ADAMTS14: variants seen among roughly 807,000 people sequenced by gnomAD.
ADAMTS14 encodes A disintegrin and metalloproteinase with thrombospondin motifs 14.
In ADAMTS14, 100 loss-of-function variants were observed where a neutral mutation model predicts 128.6. The observed-to-expected ratio is 0.78, with a 90% CI of 0.66 to 0.92. The LOEUF (loss-of-function observed/expected upper bound fraction) is 0.92, where lower values mean the gene tolerates loss of function less well. Ranked by LOEUF, ADAMTS14 falls within the 40% of genes least tolerant of loss-of-function variation. The pLI, the probability that ADAMTS14 is intolerant of heterozygous loss-of-function variation, is 0.00. For missense variants in ADAMTS14, 1,562 were observed against 1,658.6 expected (o/e 0.94, Z 1.01); for synonymous variants, 665 against 653.8 (o/e 1.02, Z -0.26).
At chr10:70,700,600 T>C (rs904561552) in intron 2 of ADAMTS14, among the ~76,000 whole-genome samples, 4 of 152,082 alleles carry the variant, frequency 2.6e-5, no homozygotes, top group Non-Finnish European at 4.4e-5. Flanking sequence ...TCACTTCCAG[T>C]CTTAGCCCCT....
In ADAMTS14 at chr10:70,717,600, G is replaced by C. The variant is rs529952667; in HGVS notation, c.870+8822G>C. Among the ~76,000 whole-genome samples the C allele has an allele frequency of 2.6e-5, 4 of 152,296 alleles. No homozygotes were observed. The East Asian group carries it at 7.7e-4, about 29-fold the overall frequency. ...TTCCCAGGGTCCTCTCCTGGCCCAG[G>C]GGTGATGGACCAGTTCTCTGGGGCG... is the stretch of plus-strand genomic sequence containing the variant. On this transcript the variant is annotated intron_variant, in intron 4 of 21. Coordinates refer to ENST00000373207, the MANE Select transcript of ADAMTS14 (RefSeq NM_080722.4).
At chr10:70,750,957 A>C (rs143180803) in intron 16 of ADAMTS14, among the ~76,000 whole-genome samples, 2 of 152,344 alleles carry the variant, frequency 1.3e-5, no homozygotes, top group Non-Finnish European at 2.9e-5. Flanking sequence ...ACAGGCACTA[A>C]AAGCATACAC....
chr10:70,695,884 T>C (rs76525388), intron 2 of ADAMTS14, among the ~76,000 whole-genome samples: 8,739 of 152,270 alleles, frequency 0.057, 370 homozygotes, highest in Non-Finnish European at 0.086. Context: ...GAGCTGATGA[T>C]GGGAGGAGCT....
rs796334922 is a variant in ADAMTS14, at chr10:70,716,710, G to A, written c.870+7932G>A. Among the ~76,000 whole-genome samples, 39 of 152,336 alleles carry A rather than the reference G, an allele frequency of 2.6e-4. 1 individual carries two copies. The highest frequency in any genetic ancestry group is 9.1e-4 in the African/African-American group (38 of 41,578). On this transcript the variant is annotated intron_variant, in intron 4 of 21. Coordinates refer to ENST00000373207, the MANE Select transcript of ADAMTS14 (RefSeq NM_080722.4). ...TTCTGATCCTGATTTCCGGGGCCAG[G>A]TCTGGGCTGGCGGGACCAGAGGGAG...
chr10:70,756,029 C>T (rs2587473), intron 19 of ADAMTS14, among the ~76,000 whole-genome samples: 39,298 of 152,046 alleles, frequency 0.26, 5,322 homozygotes, highest in South Asian at 0.41. Context: ...TAATACAGTA[C>T]TATACAACAA....
chr10:70,730,352 A>T (rs370771467), intron 6 of ADAMTS14, 103 bp downstream of exon 6: 14 of 1,448,260 alleles, frequency 9.7e-6, no homozygotes, highest in Middle Eastern at 2.0e-4. Context: ...GGCCCACCAC[A>T]TGGAGGTTTG....
chr10:70,751,705 C>T, intron 17 of ADAMTS14, 59 bp downstream of exon 17: 9 of 1,574,610 alleles, frequency 5.7e-6, no homozygotes, highest in Non-Finnish European at 7.8e-6. Context: ...CCTTGAGAGG[C>T]AGGGGTGGGG....
chr10:70,721,884 C>A (rs1841279296), intron 4 of ADAMTS14, among the ~76,000 whole-genome samples: 1 of 152,190 alleles, frequency 6.6e-6, no homozygotes, highest in Non-Finnish European at 1.5e-5. Flanking sequence ...CTGAGGGCTC[C>A]ACTGGCATCC....
chr10:70,706,373 G>A (rs1313312324), intron 3 of ADAMTS14, among the ~76,000 whole-genome samples: 1 of 152,218 alleles, frequency 6.6e-6, no homozygotes, highest in African/African-American at 2.4e-5. Context: ...GGAGGGCTCT[G>A]AGGGGTCAAG....
intron 9 of ADAMTS14, 36 bp from the exon 10 acceptor site, chr10:70,736,644 A>G: frequency 6.3e-7 from 1 of 1,591,502 alleles, no homozygotes. Flanking sequence ...ACAAAGAGCC[A>G]GTCCAGTCTG....
Position 70,744,268 on chromosome 10 carries a change from A to G in ADAMTS14, c.2182+79A>G, listed in dbSNP as rs182442013. On this transcript the variant is annotated intron_variant, in intron 14 of 21. Transcript: ENST00000373207. Reference sequence around the variant, plus strand: ...TCCCTCAGGGGGCCCTCCCTCCTTGAACTGTGCCACAGTCTGGGGTGGGGA... The same window carrying G: ...TCCCTCAGGGGGCCCTCCCTCCTTGGACTGTGCCACAGTCTGGGGTGGGGA... The G allele has an allele frequency of 8.0e-5, 115 of 1,443,652 alleles. No homozygotes were observed. The Middle Eastern group carries it at 2.0e-3, about 25-fold the overall frequency. The allele number at this position is 1,443,652 out of a possible 1,614,324, so 89.4% of individuals were successfully genotyped here.
At chr10:70,708,820 G>GGCCCC (rs1564531104) in intron 4 of ADAMTS14, 42 bp downstream of exon 4, 4 of 1,344,558 alleles carry the variant, frequency 3.0e-6, no homozygotes, top group Non-Finnish European at 3.0e-6. Context: ...GAGTGGGGTG[G>GGCCCC]GGTGGGCCCC....
At chr10:70,677,320 G>A (rs1589254004) in intron 2 of ADAMTS14, among the ~76,000 whole-genome samples, 1 of 152,284 alleles carries the variant, frequency 6.6e-6, no homozygotes, top group Middle Eastern at 3.4e-3. Context: ...CTGATTTTTG[G>A]TGGCCTCTGA....
chr10:70,689,424 G>A (rs1840118249), intron 2 of ADAMTS14, among the ~76,000 whole-genome samples: 1 of 145,000 alleles, frequency 6.9e-6, no homozygotes, highest in Admixed American at 6.8e-5. Context: ...GCACAAAGGA[G>A]GGAGCAGTGA....
chr10:70,707,453 C>T (rs1840701316), intron 3 of ADAMTS14, among the ~76,000 whole-genome samples: 1 of 152,106 alleles, frequency 6.6e-6, no homozygotes, highest in Non-Finnish European at 1.5e-5. Flanking sequence ...GCTCTGGAGC[C>T]TTCTTGACAG....
intron 19 of ADAMTS14, 99 bp downstream of exon 19, chr10:70,754,106 G>C (rs1842424989): frequency 3.5e-6 from 4 of 1,158,650 alleles, no homozygotes; most frequent in Non-Finnish European, 4.7e-6. Context: ...TGCCTGAATG[G>C]CTCCCCCTAC....
Position 70,736,732 on chromosome 10 carries a change from C to G in ADAMTS14, c.1538C>G (p.Pro513Arg). 6 of 1,613,826 alleles carry G rather than the reference C, an allele frequency of 3.7e-6. No homozygotes were observed. Among genetic ancestry groups the G allele is most frequent in the Non-Finnish European group, 5.1e-6 (6 of 1,179,826 alleles). Reference protein sequence around the residue: ...KQLWCSHPDNPYFCKTKKGPP... With the variant: ...KQLWCSHPDNRYFCKTKKGPP... The stretch of plus-strand genomic sequence containing the variant: ...CTGTGGTGCAGCCATCCTGACAACC[C>G]GTACTTCTGCAAGACCAAGAAGGGG... Residue 513 changes from proline (P) to arginine (R), a missense_variant, in exon 10 of 22, where the codon CCG becomes CGG. Physicochemically the swap from Pro to Arg is moderately radical, Grantham distance 103. Transcript: ENST00000373207.
intron 2 of ADAMTS14, among the ~76,000 whole-genome samples, chr10:70,684,374 C>T (rs7894723): frequency 0.23 from 35,207 of 152,162 alleles, 5,486 homozygotes; most frequent in East Asian, 0.81. Flanking sequence ...TCTGCACCTT[C>T]TGCTGGTCAA....
At chr10:70,682,218 A>C (rs1048322157) in intron 2 of ADAMTS14, among the ~76,000 whole-genome samples, 2 of 151,890 alleles carry the variant, frequency 1.3e-5, no homozygotes, top group Non-Finnish European at 2.9e-5. Context: ...CAGAAGAAAG[A>C]GAAGAGGACC....
Sources: allele counts gnomAD v4.1 joint callset (sites outside exome capture counted in the v4.1 genomes callset), GRCh38; gene constraint gnomAD v4.1.1; transcripts MANE v1.5; gene names NCBI Gene and HGNC (gene_info 2026-07-23, HGNC 2026-07-21).